SLC14A2: variants seen among roughly 807,000 people sequenced by gnomAD.
SLC14A2 encodes solute carrier family 14 member 2, also known as urea transporter 2.
In SLC14A2, 91 loss-of-function variants were observed where a neutral mutation model predicts 104.6. The observed-to-expected ratio is 0.87, with a 90% CI of 0.73 to 1.04. The LOEUF (loss-of-function observed/expected upper bound fraction) is 1.04. Ranked by LOEUF, SLC14A2 falls within the 50% of genes least tolerant of loss-of-function variation. The pLI is 0.00. For synonymous variants in SLC14A2, 476 were observed against 466.4 expected (o/e 1.02, Z -0.27); for missense variants, 1,189 against 1,156.0 (o/e 1.03, Z -0.41).
At chr18:45,408,032 T>C (rs943647583) in intron 1 of SLC14A2, among the ~76,000 whole-genome samples, 4 of 152,170 alleles carry the variant, frequency 2.6e-5, no homozygotes, top group Non-Finnish European at 4.4e-5. Context: ...CAAGGCAGGG[T>C]TGCCACAAAC....
At chr18:45,635,637 T>C (rs1365730491) in intron 5 of SLC14A2, among the ~76,000 whole-genome samples, 2 of 152,054 alleles carry the variant, frequency 1.3e-5, no homozygotes, top group Admixed American at 6.6e-5. Flanking sequence ...AGATTGGGGA[T>C]AGCACAGAAA....
At chr18:45,325,281 G>T (rs1404349845) in intron 1 of SLC14A2, among the ~76,000 whole-genome samples, 1 of 152,196 alleles carries the variant, frequency 6.6e-6, no homozygotes, top group Non-Finnish European at 1.5e-5. Flanking sequence ...AAACTTTCAG[G>T]ATACACAGCT....
intron 2 of SLC14A2, among the ~76,000 whole-genome samples, chr18:45,559,857 C>T (rs2044179464): frequency 6.6e-6 from 1 of 152,202 alleles, no homozygotes; most frequent in Non-Finnish European, 1.5e-5. Flanking sequence ...CCACAGGATC[C>T]ACCATTAGCT....
chr18:45,484,325 T>C (rs1187536894), intron 2 of SLC14A2, among the ~76,000 whole-genome samples: 1 of 152,182 alleles, frequency 6.6e-6, no homozygotes, highest in East Asian at 1.9e-4. Context: ...CTCTCCTTGA[T>C]GAAAGAGGCC....
chr18:45,405,404 G>C (rs1405654213), intron 1 of SLC14A2, among the ~76,000 whole-genome samples: 1 of 152,178 alleles, frequency 6.6e-6, no homozygotes, highest in African/African-American at 2.4e-5. Context: ...ACAGAAGTCA[G>C]CAGGAGGAAC....
chr18:45,456,745 A>G (rs1202828385), intron 1 of SLC14A2, among the ~76,000 whole-genome samples: 2 of 117,320 alleles, frequency 1.7e-5, no homozygotes, highest in South Asian at 3.4e-4. Flanking sequence ...TTTCTTCCCC[A>G]GGAGACTTTT....
the SLC14A2 span, among the ~76,000 whole-genome samples, chr18:45,174,211 A>C: frequency 6.6e-6 from 1 of 152,110 alleles, no homozygotes; most frequent in African/African-American, 2.4e-5. Context: ...ATGTCATAGA[A>C]GATCTCTCCC....
chr18:45,262,952 T>A (rs1229611096), intron 1 of SLC14A2, among the ~76,000 whole-genome samples: 1 of 152,232 alleles, frequency 6.6e-6, no homozygotes, highest in Middle Eastern at 3.2e-3. Context: ...TCCTCCAGCT[T>A]TGACTGCTAA....
intron 2 of SLC14A2, among the ~76,000 whole-genome samples, chr18:45,605,669 G>A (rs986264797): frequency 1.3e-5 from 2 of 152,160 alleles, no homozygotes; most frequent in Non-Finnish European, 2.9e-5. Context: ...AATTAAACTT[G>A]ACCAAGGTTA....
chr18:45,257,352 C>T (rs1345747057), intron 1 of SLC14A2, among the ~76,000 whole-genome samples: 1 of 152,170 alleles, frequency 6.6e-6, no homozygotes, highest in Non-Finnish European at 1.5e-5. Flanking sequence ...TTATTCCTAA[C>T]TTTTGTATTT....
chr18:45,338,878 C>G (rs1456348162), intron 1 of SLC14A2, among the ~76,000 whole-genome samples: 1 of 151,814 alleles, frequency 6.6e-6, no homozygotes, highest in African/African-American at 2.4e-5. Flanking sequence ...CGATTGGGTT[C>G]CTAACCCCAG....
At chr18:45,541,484 T>C (rs928225529) in intron 2 of SLC14A2, among the ~76,000 whole-genome samples, 2 of 152,240 alleles carry the variant, frequency 1.3e-5, no homozygotes, top group Non-Finnish European at 2.9e-5. Flanking sequence ...GTAAAAGGCA[T>C]GGGCCAGACC....
intron 1 of SLC14A2, among the ~76,000 whole-genome samples, chr18:45,374,994 T>C (rs1165716894): frequency 2.6e-5 from 4 of 152,188 alleles, no homozygotes; most frequent in African/African-American, 9.7e-5. Flanking sequence ...CTCAGATTTA[T>C]AAAGGTAATA....
At chr18:45,675,947 G>C (rs1436714034) in intron 18 of SLC14A2, among the ~76,000 whole-genome samples, 2 of 151,818 alleles carry the variant, frequency 1.3e-5, no homozygotes. Context: ...AGCTCCTTCA[G>C]CAGACAGAAC....
chr18:45,283,132 A>G (rs1352546432), intron 1 of SLC14A2, among the ~76,000 whole-genome samples: 1 of 152,206 alleles, frequency 6.6e-6, no homozygotes, highest in Non-Finnish European at 1.5e-5. Flanking sequence ...TGAGACTTCT[A>G]TAAGCCCAAA....
rs73429929 is a variant in SLC14A2, at chr18:45,319,017, G to A, written c.-125+105826G>A. Among the ~76,000 whole-genome samples the A allele has an allele frequency of 8.4e-3, 1,273 of 152,262 alleles. 21 individuals are homozygous for A. Among genetic ancestry groups the A allele is most frequent in the African/African-American group, 0.029 (1,194 of 41,540 alleles). On this transcript the variant is annotated intron_variant, in intron 1 of 20. Transcript: ENST00000586448. The stretch of plus-strand genomic sequence containing the variant: ...CAGAGACCCCAGTACAGAGACTCCC[G>A]TGCTATCTCTGCAGCAGTTTCCTTG...
intron 2 of SLC14A2, among the ~76,000 whole-genome samples, chr18:45,536,544 C>T (rs982517836): frequency 2.6e-5 from 4 of 152,170 alleles, no homozygotes; most frequent in Admixed American, 1.3e-4. Flanking sequence ...GTGTGTGTCT[C>T]TTCTTCTCCA....
At chr18:45,313,302 C>G (rs1599666843) in intron 1 of SLC14A2, among the ~76,000 whole-genome samples, 1 of 152,280 alleles carries the variant, frequency 6.6e-6, no homozygotes, top group East Asian at 1.9e-4. Flanking sequence ...CTGCTCCACA[C>G]TAGGAATATG....
chr18:45,221,246 G>T (rs538520219), intron 1 of SLC14A2, among the ~76,000 whole-genome samples: 1 of 152,282 alleles, frequency 6.6e-6, no homozygotes, highest in African/African-American at 2.4e-5. Context: ...TGTTGTCTTT[G>T]CTCTTGTCTT....
Sources: allele counts gnomAD v4.1 joint callset (sites outside exome capture counted in the v4.1 genomes callset), GRCh38; gene constraint gnomAD v4.1.1; transcripts MANE v1.5; gene names NCBI Gene and HGNC (gene_info 2026-07-23, HGNC 2026-07-21).